Variants in GNAL observed in about 807,000 individuals in gnomAD.
The protein encoded by GNAL is G protein subunit alpha L, also known as guanine nucleotide-binding protein G(olf) subunit alpha.
In GNAL, 18 loss-of-function variants were observed where a neutral mutation model predicts 55.1. That is an observed-to-expected ratio of 0.33 (90% CI 0.23 to 0.48). The LOEUF is 0.48. Among genes scored for constraint, GNAL ranks in the 20% least tolerant of loss-of-function variants. GNAL has a pLI of 0.99. For synonymous variants in GNAL, 253 were observed against 237.0 expected (o/e 1.07, Z -0.62); for missense variants, 412 against 614.1 (o/e 0.67, Z 3.48).
chr18:11,768,969 T>A (rs1336213747), intron 4 of GNAL, among the ~76,000 whole-genome samples: 2 of 81,676 alleles, frequency 2.4e-5, no homozygotes, highest in South Asian at 3.8e-4. Context: ...ATATAATATA[T>A]TATATATATT....
At chr18:11,867,977 T>C (rs547142487) in intron 8 of GNAL, among the ~76,000 whole-genome samples, 66 of 151,624 alleles carry the variant, frequency 4.4e-4, no homozygotes, top group Non-Finnish European at 8.2e-4. Context: ...ATGCAAAAAT[T>C]AGCCGGGTGT....
At chr18:11,705,674 T>C (rs2031690943) in intron 1 of GNAL, among the ~76,000 whole-genome samples, 1 of 152,142 alleles carries the variant, frequency 6.6e-6, no homozygotes. Context: ...TGATATGTCA[T>C]TATGGTTTTG....
Position 11,751,564 on chromosome 18 carries a change from C to T in GNAL, c.377-1289C>T, listed in dbSNP as rs1026388644. 2 of 985,410 alleles carry T rather than the reference C, an allele frequency of 2.0e-6. No homozygotes were observed. Among genetic ancestry groups the T allele is most frequent in the African/African-American group, 1.7e-5 (1 of 57,256 alleles). The allele number at this position is 985,410 out of a possible 1,614,324, so 61.0% of individuals were successfully genotyped here. On this transcript the variant is annotated intron_variant, in intron 1 of 11. Transcript: ENST00000334049. This position sits in a 1 kb window ranked among gnomAD's most constrained non-coding sequence, Gnocchi z 4.5. ...AGAATATGCATGATCCTCCGCGAGT[C>T]TTCGCCCGCCAGGAGCAGGGACGCG...
chr18:11,768,962 T>G (rs1164857168), intron 4 of GNAL, among the ~76,000 whole-genome samples: 1 of 102,266 alleles, frequency 9.8e-6, no homozygotes, highest in Non-Finnish European at 1.7e-5. Context: ...ATGTTATATA[T>G]AATATATTAT....
At chr18:11,719,721 G>A (rs2032049931) in intron 1 of GNAL, among the ~76,000 whole-genome samples, 1 of 152,198 alleles carries the variant, frequency 6.6e-6, no homozygotes, top group Non-Finnish European at 1.5e-5. Flanking sequence ...CTGGAAGAAC[G>A]GAAGCAGGCT....
chr18:11,690,010 C>G (rs1341500862), intron 1 of GNAL, 71 bp downstream of exon 1: 2 of 934,030 alleles, frequency 2.1e-6, no homozygotes, highest in South Asian at 5.0e-5. Context: ...CGGCGGGCAC[C>G]GGGGAGCGGT....
At chr18:11,703,795 G>GCACACACACA (rs35455680) in intron 1 of GNAL, among the ~76,000 whole-genome samples, 1,509 of 141,486 alleles carry the variant, frequency 0.011, 16 homozygotes, top group African/African-American at 0.025. Context: ...GTGTTGATGG[G>GCACACACACA]CACACACACA....
intron 1 of GNAL, among the ~76,000 whole-genome samples, chr18:11,695,926 A>ACGCG (rs1567988375): frequency 3.7e-4 from 53 of 143,736 alleles, no homozygotes; most frequent in African/African-American, 1.4e-3. Flanking sequence ...ACGCATGCAC[A>ACGCG]CACACACACA....
intron 1 of GNAL, among the ~76,000 whole-genome samples, chr18:11,723,462 C>A (rs1433910617): frequency 6.6e-6 from 1 of 152,218 alleles, no homozygotes; most frequent in Non-Finnish European, 1.5e-5. Flanking sequence ...ACTCTATAGA[C>A]AACCCCAAGC....
At chr18:11,821,418 G>A (rs1034486365) in intron 4 of GNAL, among the ~76,000 whole-genome samples, 21 of 152,190 alleles carry the variant, frequency 1.4e-4, no homozygotes, top group Admixed American at 8.5e-4. Context: ...ACTGATCTGA[G>A]CACAATGACA....
Position 11,689,809 on chromosome 18 carries a change from T to C in GNAL, c.246T>C (p.Ser82=), listed in dbSNP as rs2143267409. The part of the protein sequence containing the change: ...KEKRQRTEQL[S]AEEREAAKER... ...AGCGGCAGCGCACCGAGCAGCTGAG[T>C]GCCGAGGAGCGCGAGGCGGCCAAGG... is the stretch of plus-strand genomic sequence containing the variant. Residue 82 remains serine (S), a synonymous_variant, in exon 1 of 12, where the codon AGT becomes AGC. Coordinates refer to ENST00000334049, the MANE Select transcript of GNAL (RefSeq NM_182978.4). 1 of 1,538,008 alleles carries C rather than the reference T, an allele frequency of 6.5e-7. No homozygotes were observed. Among genetic ancestry groups the C allele is most frequent in the African/African-American group, 1.4e-5 (1 of 70,596 alleles).
intron 4 of GNAL, among the ~76,000 whole-genome samples, chr18:11,759,265 C>T (rs138191128): frequency 6.6e-6 from 1 of 152,300 alleles, no homozygotes; most frequent in African/African-American, 2.4e-5. Context: ...AGCAAAATCA[C>T]TGTTGAATTC....
At chr18:11,769,099 TTATAA>T (rs1204197570) in intron 4 of GNAL, among the ~76,000 whole-genome samples, 2 of 103,456 alleles carry the variant, frequency 1.9e-5, no homozygotes, top group African/African-American at 1.2e-4. Flanking sequence ...GTAATATATA[TTATAA>T]TATAGATTAT....
Position 11,705,549 on chromosome 18 carries a change from G to A in GNAL, c.376+15610G>A, listed in dbSNP as rs144247113. Among the ~76,000 whole-genome samples, 223 of 152,188 alleles carry A rather than the reference G, an allele frequency of 1.5e-3. 1 individual carries two copies. The highest frequency in any genetic ancestry group is 5.2e-3 in the African/African-American group (216 of 41,504). ...GAATTTCCTACTGTTTTCCATAGCA[G>A]CTGTACCATTTTAATTCCCACCAGC... On this transcript the variant is annotated intron_variant, in intron 1 of 11. Transcript: ENST00000334049.
At position 11,884,454 on chromosome 18, in the gene GNAL, C is replaced by G. The variant is rs142295478; in HGVS notation, c.*3319C>G. 1.7e-4 allele frequency: 270 copies of G among 1,614,006 alleles called. 2 individuals carry two copies. The highest frequency in any genetic ancestry group is 2.1e-4 in the Non-Finnish European group (247 of 1,179,964). ...TAATGGCGCCTGCTCTTCATCTTGT[C>G]TTACGCTTTCCGAGCAAGTTCAAAC... On this transcript the variant is annotated 3_prime_UTR_variant, in exon 12 of 12. Coordinates refer to ENST00000334049, the MANE Select transcript of GNAL (RefSeq NM_182978.4).
At chr18:11,835,609 T>C (rs1313051536) in intron 5 of GNAL, among the ~76,000 whole-genome samples, 1 of 151,968 alleles carries the variant, frequency 6.6e-6, no homozygotes, top group Non-Finnish European at 1.5e-5. Flanking sequence ...TAAAGAAAAA[T>C]ATGTATATGT....
chr18:11,725,228 T>C (rs1448977775), intron 1 of GNAL, among the ~76,000 whole-genome samples: 1 of 152,042 alleles, frequency 6.6e-6, no homozygotes, highest in Non-Finnish European at 1.5e-5. Context: ...AAAGGGTAAT[T>C]AGGATAAAAT....
At chr18:11,808,843 A>G (rs1322462203) in intron 4 of GNAL, among the ~76,000 whole-genome samples, 1 of 152,268 alleles carries the variant, frequency 6.6e-6, no homozygotes, top group Non-Finnish European at 1.5e-5. Flanking sequence ...GTGCTGACAC[A>G]TGCCATATCA....
chr18:11,761,421 C>G lies in GNAL; in HGVS notation c.624+7476C>G, dbSNP rs79587244. On this transcript the variant is annotated intron_variant, in intron 4 of 11. Coordinates refer to ENST00000334049, the MANE Select transcript of GNAL (RefSeq NM_182978.4). ...CTCTCTGGCAGGTTACCATGGACCT[C>G]CCTTCCTGCCTGTTCTCTGTTACCA... is the stretch of plus-strand genomic sequence containing the variant. Among the ~76,000 whole-genome samples the G allele has an allele frequency of 9.0e-3, 1,368 of 152,312 alleles. 27 individuals carry two copies. The highest frequency in any genetic ancestry group is 0.031 in the African/African-American group (1,277 of 41,548).
Sources: allele counts gnomAD v4.1 joint callset (sites outside exome capture counted in the v4.1 genomes callset), GRCh38; gene constraint gnomAD v4.1.1; non-coding constraint Gnocchi (gnomAD v3.1); transcripts MANE v1.5; gene names NCBI Gene and HGNC (gene_info 2026-07-23, HGNC 2026-07-21).